The following DENND1A variants were observed in gnomAD, a reference collection of about 807,000 sequenced individuals.
DENND1A encodes DENN domain-containing protein 1A.
Under a neutral mutation model 113.7 loss-of-function variants are expected in DENND1A, and 51 were observed. The observed-to-expected ratio is 0.45, with a 90% CI of 0.36 to 0.57. The LOEUF (loss-of-function observed/expected upper bound fraction) is 0.57, where lower values mean the gene tolerates loss of function less well. Among genes scored for constraint, DENND1A ranks in the 20% least tolerant of loss-of-function variants. The pLI, the probability that DENND1A is intolerant of heterozygous loss-of-function variation, is 0.00. For missense variants in DENND1A, 1,258 were observed against 1,395.9 expected (o/e 0.90, Z 1.57); for synonymous variants, 565 against 570.8 (o/e 0.99, Z 0.14).
At chr9:123,890,756 A>C (rs955291264) in intron 1 of DENND1A, among the ~76,000 whole-genome samples, 4 of 152,218 alleles carry the variant, frequency 2.6e-5, no homozygotes, top group Non-Finnish European at 5.9e-5. Flanking sequence ...TAAGAGATAG[A>C]GCTGGAATTT....
Position 123,382,226 on chromosome 9 carries a change from C to G in DENND1A, c.2419G>C (p.Ala807Pro), listed in dbSNP as rs2042312831. The change falls in exon 24 of 24, where the codon GCT (alanine) becomes CCT (proline). Residue 807 changes from alanine (A) to proline (P), a missense_variant. By Grantham distance (27) the Ala-to-Pro change is conservative. Around this residue, in one of 2 missense-constraint regions of DENND1A, gnomAD observed 1,159 missense variants for 1,231.7 expected, o/e 0.94. Transcript: ENST00000394215. Reference sequence around the variant, plus strand: ...GGCAGGAGCCCTGGACTCAGGGCAGCTCGCCTGTCCCGATCCGTCTGCAGC... The same window carrying G: ...GGCAGGAGCCCTGGACTCAGGGCAGGTCGCCTGTCCCGATCCGTCTGCAGC... The part of the protein sequence containing the change: ...ERLQTDRDRR[A>P]ALSPGLLPGV... 1.9e-6 allele frequency: 3 copies of G among 1,609,444 alleles called. No homozygotes were observed. Among genetic ancestry groups the G allele is most frequent in the African/African-American group, 1.3e-5 (1 of 75,016 alleles).
At chr9:123,857,976 G>A (rs963560650) in intron 2 of DENND1A, among the ~76,000 whole-genome samples, 1 of 151,378 alleles carries the variant, frequency 6.6e-6, no homozygotes, top group Non-Finnish European at 1.5e-5. Context: ...GGAGAATGGC[G>A]TGAACCCGGG....
At chr9:123,604,598 C>A (rs1018454751) in intron 11 of DENND1A, among the ~76,000 whole-genome samples, 2 of 152,150 alleles carry the variant, frequency 1.3e-5, no homozygotes, top group African/African-American at 4.8e-5. Flanking sequence ...AGGAAGAAAG[C>A]AAGATACAGA....
At chr9:123,883,637 G>C (rs1395973502) in intron 1 of DENND1A, among the ~76,000 whole-genome samples, 1 of 152,080 alleles carries the variant, frequency 6.6e-6, no homozygotes, top group Non-Finnish European at 1.5e-5. Flanking sequence ...CATAAACATA[G>C]GGGATACCAC....
intron 5 of DENND1A, among the ~76,000 whole-genome samples, chr9:123,687,477 GC>G (rs971376726): frequency 9.2e-5 from 14 of 152,182 alleles, no homozygotes; most frequent in Non-Finnish European, 1.6e-4. Flanking sequence ...GGGTGAGATT[GC>G]CCAGAGCACC....
rs538150727 is a variant in DENND1A at position 123,776,073 on chromosome 9, A to G, written c.133-6510T>C. Among the ~76,000 whole-genome samples, 4 of 152,272 alleles carry G rather than the reference A, an allele frequency of 2.6e-5. No individual in the cohort carries two copies. The South Asian group carries it at 8.3e-4, about 32-fold the overall frequency. ...CTGAACTAAATTAGCACCTCTACCCACAACTTCCCCTGCCACCCCACAAAA... is the reference window on the plus strand; with the variant it reads ...CTGAACTAAATTAGCACCTCTACCCGCAACTTCCCCTGCCACCCCACAAAA... On this transcript the variant is annotated intron_variant, in intron 3 of 23. Coordinates refer to ENST00000394215, the MANE Select transcript of DENND1A (RefSeq NM_001352964.2).
intron 2 of DENND1A, among the ~76,000 whole-genome samples, chr9:123,826,900 T>C (rs894379904): frequency 1.3e-5 from 2 of 152,174 alleles, no homozygotes; most frequent in Non-Finnish European, 2.9e-5. Context: ...AAATACAAAG[T>C]ATGACTCTAG....
At chr9:123,902,174 T>TACACACACAC (rs9299289) in intron 1 of DENND1A, among the ~76,000 whole-genome samples, 5,105 of 132,080 alleles carry the variant, frequency 0.039, 130 homozygotes, top group Admixed American at 0.072. Flanking sequence ...CACACACACA[T>TACACACACAC]ACACACACAC....
At position 123,450,725 on chromosome 9, in the gene DENND1A, T is replaced by G; in HGVS notation, c.1324A>C (p.Ile442Leu). ...KFAKDHAKMG[I>L]KEVKNRLKQK... ...TTCAAGCGGTTTTTCACCTCTTTTA[T>G]TCCCATTTTTGCATGATCTTTTGCC... The change falls in exon 18 of 24, where the codon ATA becomes CTA. Residue 442 changes from isoleucine (I) to leucine (L), a missense_variant. Physicochemically the swap from Ile to Leu is conservative, Grantham distance 5. Transcript: ENST00000394215. 6.2e-7 allele frequency: 1 copy of G among 1,611,288 alleles called. No homozygotes were observed. The highest frequency in any genetic ancestry group is 1.7e-5 in the Admixed American group (1 of 59,330).
At chr9:123,916,930 C>G (rs1855251348) in intron 1 of DENND1A, among the ~76,000 whole-genome samples, 1 of 152,010 alleles carries the variant, frequency 6.6e-6, no homozygotes, top group South Asian at 2.1e-4. Flanking sequence ...TGGCTCCTGC[C>G]TGTAATCCCA....
chr9:123,919,968 G>A (rs1404179421), intron 1 of DENND1A, among the ~76,000 whole-genome samples: 1 of 151,762 alleles, frequency 6.6e-6, no homozygotes, highest in African/African-American at 2.4e-5. Context: ...AGGGGAGGGA[G>A]TTACAGTCAG....
At chr9:123,713,324 T>TA (rs1281961875) in intron 5 of DENND1A, among the ~76,000 whole-genome samples, 1 of 152,266 alleles carries the variant, frequency 6.6e-6, no homozygotes, top group Non-Finnish European at 1.5e-5. Context: ...AGTAGGGAGT[T>TA]AGAGTTCCAA....
rs189723456 is a variant in DENND1A at position 123,625,574 on chromosome 9, T to A, written c.719+4802A>T. ...GCCTGGCCAACATGGCGAAACCCTG[T>A]CTCTACTAAAAATACAAAAATTAGC... is the stretch of plus-strand genomic sequence containing the variant. On this transcript the variant is annotated intron_variant, in intron 10 of 23. Transcript: ENST00000394215. Among the ~76,000 whole-genome samples the A allele has an allele frequency of 1.3e-4, 20 of 152,216 alleles. 1 individual carries two copies. Among genetic ancestry groups the A allele is most frequent in the Non-Finnish European group, 7.4e-5 (5 of 68,014 alleles).
intron 18 of DENND1A, among the ~76,000 whole-genome samples, chr9:123,442,486 G>C (rs7856005): frequency 6.6e-6 from 1 of 152,084 alleles, no homozygotes. Context: ...TTGGATCCAG[G>C]TGAAGATCCT....
At chr9:123,553,397 G>GCCC (rs1283056085) in intron 13 of DENND1A, among the ~76,000 whole-genome samples, 5 of 140,170 alleles carry the variant, frequency 3.6e-5, no homozygotes, top group Admixed American at 7.1e-5. Flanking sequence ...CTTTTTAAAA[G>GCCC]CCGCCCCCCC....
rs1279840000 is a variant in DENND1A, at chr9:123,688,719, CACG to C, written c.303-11933_303-11931del. 3.3e-5 allele frequency among the ~76,000 whole-genome samples: 5 copies of C among 152,104 alleles called. 1 individual carries two copies. In the East Asian group the frequency reaches 7.7e-4, roughly 23 times the overall value. On this transcript the variant is annotated intron_variant, in intron 5 of 23. Coordinates refer to ENST00000394215, the MANE Select transcript of DENND1A (RefSeq NM_001352964.2). ...CGAGGAGGCTGAAGAGCTGGGAATC[CACG>C]ACAAGGCACCCAAAGCTACAACATA...
intron 2 of DENND1A, among the ~76,000 whole-genome samples, chr9:123,806,025 C>A (rs892858845): frequency 6.6e-6 from 1 of 152,130 alleles, no homozygotes; most frequent in South Asian, 2.1e-4. Flanking sequence ...ACTATCTCTC[C>A]TCACTGCAAC....
At chr9:123,690,124 A>G (rs1207302030) in intron 5 of DENND1A, among the ~76,000 whole-genome samples, 3 of 54,392 alleles carry the variant, frequency 5.5e-5, no homozygotes, top group Non-Finnish European at 9.6e-5. Context: ...AAAAGGAGGG[A>G]GGGGGGAAGA....
chr9:123,701,608 G>A (rs1247242662), intron 5 of DENND1A, among the ~76,000 whole-genome samples: 3 of 152,160 alleles, frequency 2.0e-5, no homozygotes, highest in African/African-American at 7.2e-5. Context: ...TTGAGTTCTG[G>A]CCTGCATCAC....
Sources: allele counts gnomAD v4.1 joint callset (sites outside exome capture counted in the v4.1 genomes callset), GRCh38; gene constraint gnomAD v4.1.1; regional missense constraint gnomAD v4.1.1; transcripts MANE v1.5; gene names NCBI Gene and HGNC (gene_info 2026-07-23, HGNC 2026-07-21).